The following PHACTR3 variants were observed in gnomAD, a reference collection of about 807,000 sequenced individuals.
PHACTR3 encodes protein phosphatase 1, regulatory subunit 123.
A neutral mutation model predicts 66.8 loss-of-function variants in PHACTR3; 16 were observed. The ratio of observed to expected loss-of-function variants is 0.24; its 90% CI spans 0.16 to 0.36. The LOEUF is 0.36. PHACTR3 is among the 10% of genes least tolerant of loss of function. The probability of loss-of-function intolerance (pLI) is 1.00; values close to 1 mark genes in which losing one functional copy is unlikely to be tolerated. For synonymous variants in PHACTR3, 323 were observed against 292.1 expected (o/e 1.11, Z -1.08); for missense variants, 647 against 719.9 (o/e 0.90, Z 1.16).
intron 11 of PHACTR3, among the ~76,000 whole-genome samples, chr20:59,842,951 A>G (rs547256559): frequency 3.0e-4 from 45 of 152,298 alleles, no homozygotes; most frequent in Middle Eastern, 3.4e-3. Context: ...CCCTCTTTAC[A>G]GACAATATGA....
rs573948260 is a variant in PHACTR3 at position 59,583,916 on chromosome 20, G to A, written c.109+6299G>A. Among the ~76,000 whole-genome samples, 8 of 152,342 alleles carry A rather than the reference G, an allele frequency of 5.3e-5. No individual in the cohort carries two copies. The South Asian group carries it at 1.4e-3, about 28-fold the overall frequency. ...GCTACTTAGGTGCACCAGTCACCAG[G>A]GACGGTTCACGCGTGGACATGTGGA... On this transcript the variant is annotated intron_variant, in intron 1 of 12. Coordinates refer to the PHACTR3 transcript ENST00000359926.
chr20:59,615,881 G>A (rs2034008225), intron 1 of PHACTR3, among the ~76,000 whole-genome samples: 1 of 152,226 alleles, frequency 6.6e-6, no homozygotes, highest in South Asian at 2.1e-4. Flanking sequence ...TACAGGAGAG[G>A]TGGAGAATTG....
intron 1 of PHACTR3, among the ~76,000 whole-genome samples, chr20:59,612,117 G>A (rs1600912898): frequency 6.6e-6 from 1 of 152,084 alleles, no homozygotes. Flanking sequence ...AATGTCACAG[G>A]AACAGAGGCA....
At chr20:59,822,681 G>C (rs1348960958) in intron 8 of PHACTR3, among the ~76,000 whole-genome samples, 1 of 152,220 alleles carries the variant, frequency 6.6e-6, no homozygotes, top group Non-Finnish European at 1.5e-5. Context: ...AGATGGATTT[G>C]GTTTCTCTCT....
At chr20:59,685,062 G>T (rs1433752027) in intron 1 of PHACTR3, among the ~76,000 whole-genome samples, 1 of 151,962 alleles carries the variant, frequency 6.6e-6, no homozygotes, top group East Asian at 1.9e-4. Flanking sequence ...TGGCTCCAGG[G>T]CCCCCTCTTT....
At position 59,829,212 on chromosome 20, in the gene PHACTR3, G is replaced by A. The variant is rs188908851; in HGVS notation, c.1329-7293G>A. The stretch of plus-strand genomic sequence containing the variant: ...GGCATCCCAGAAGTCAGGACTGCTG[G>A]CTGCTGAGATGGGGCTTGCCCCAGG... On this transcript the variant is annotated intron_variant, in intron 8 of 12. Coordinates refer to ENST00000371015, the MANE Select transcript of PHACTR3 (RefSeq NM_080672.5). The surrounding 1 kb of genome is among the most constrained non-coding windows in gnomAD (Gnocchi z 4.2). Among the ~76,000 whole-genome samples the A allele has an allele frequency of 1.4e-3, 211 of 152,276 alleles. 1 individual carries two copies. Among genetic ancestry groups the A allele is most frequent in the Non-Finnish European group, 7.6e-4 (52 of 68,012 alleles).
chr20:59,847,034 T>G, intron 12 of PHACTR3, 81 bp from the exon 13 acceptor site: 1 of 977,072 alleles, frequency 1.0e-6, no homozygotes, highest in Non-Finnish European at 1.6e-6. Context: ...TAGCAGCAAA[T>G]TTATTTGTAT....
chr20:59,762,360 G>A (rs568370562), intron 4 of PHACTR3, among the ~76,000 whole-genome samples: 1 of 152,358 alleles, frequency 6.6e-6, no homozygotes, highest in East Asian at 1.9e-4. Context: ...CATTGACTCA[G>A]TCCTGGGAAA....
intron 1 of PHACTR3, among the ~76,000 whole-genome samples, chr20:59,612,286 G>A (rs1041227261): frequency 3.3e-5 from 5 of 152,138 alleles, no homozygotes; most frequent in African/African-American, 9.7e-5. Flanking sequence ...GAGGGTCAGG[G>A]TGTGTGCCTG....
chr20:59,702,061 T>C (rs181169088), intron 1 of PHACTR3, among the ~76,000 whole-genome samples: 15 of 152,374 alleles, frequency 9.8e-5, no homozygotes, highest in African/African-American at 3.4e-4. Context: ...TATTGTTGCT[T>C]AATAGTCCAT....
intron 1 of PHACTR3, among the ~76,000 whole-genome samples, chr20:59,616,086 G>C (rs2034015074): frequency 6.6e-6 from 1 of 152,168 alleles, no homozygotes; most frequent in African/African-American, 2.4e-5. Flanking sequence ...TCACTGTGTG[G>C]CTTTGGAAGA....
intron 1 of PHACTR3, among the ~76,000 whole-genome samples, chr20:59,633,779 C>A (rs2034753273): frequency 6.6e-6 from 1 of 151,928 alleles, no homozygotes; most frequent in Non-Finnish European, 1.5e-5. Context: ...AATGAGTCAC[C>A]CATGCCCACA....
At chr20:59,816,391 G>A (rs1007938234) in intron 8 of PHACTR3, among the ~76,000 whole-genome samples, 24 of 152,180 alleles carry the variant, frequency 1.6e-4, no homozygotes, top group African/African-American at 5.3e-4. Flanking sequence ...GCACGCTGGG[G>A]ACTCTGGGTC....
At chr20:59,754,967 A>G (rs2039731436) in intron 3 of PHACTR3, among the ~76,000 whole-genome samples, 1 of 152,154 alleles carries the variant, frequency 6.6e-6, no homozygotes. Flanking sequence ...AGTGGAGTGT[A>G]AGAGCAGAAA....
At chr20:59,697,469 G>A (rs2037341115) in intron 1 of PHACTR3, among the ~76,000 whole-genome samples, 1 of 152,160 alleles carries the variant, frequency 6.6e-6, no homozygotes, top group Non-Finnish European at 1.5e-5. Context: ...GGATGACTGA[G>A]GGGGCTTTGG....
intron 1 of PHACTR3, among the ~76,000 whole-genome samples, chr20:59,695,500 C>A (rs1246555242): frequency 6.6e-6 from 1 of 152,174 alleles, no homozygotes; most frequent in Non-Finnish European, 1.5e-5. Flanking sequence ...GTCAACTAAA[C>A]CTTTTTTCTT....
At position 59,583,581 on chromosome 20, in the gene PHACTR3, C is replaced by G. The variant is rs569060537; in HGVS notation, c.109+5964C>G. 5.9e-5 allele frequency among the ~76,000 whole-genome samples: 9 copies of G among 152,364 alleles called. No individual in the cohort carries two copies. In the East Asian group the frequency reaches 1.5e-3, roughly 26 times the overall value. ...GCGTGCCCGCCTACGCAAGCAGCCT[C>G]GGACTGACTCCCAACAACCCCAGGG... On this transcript the variant is annotated intron_variant, in intron 1 of 12. Transcript: ENST00000359926.
intron 1 of PHACTR3, among the ~76,000 whole-genome samples, chr20:59,631,546 A>C (rs2034665277): frequency 6.6e-6 from 1 of 152,144 alleles, no homozygotes; most frequent in Admixed American, 6.6e-5. Context: ...AGGGGTGGGC[A>C]GGAGTTGCCA....
Position 59,702,587 on chromosome 20 carries a change from A to T in PHACTR3, c.119-40520A>T, listed in dbSNP as rs373830165. 4.6e-5 allele frequency among the ~76,000 whole-genome samples: 7 copies of T among 152,328 alleles called. No individual in the cohort carries two copies. The South Asian group carries it at 1.5e-3, about 32-fold the overall frequency. The stretch of plus-strand genomic sequence containing the variant: ...GGCCTTGCCTGTTTAGCTGGCCATC[A>T]TCTGTCCCCCACCTCTGGAATGTCA... On this transcript the variant is annotated intron_variant, in intron 1 of 12. Transcript: ENST00000371015.
Sources: gnomAD v4.1 joint callset for allele counts (sites outside exome capture counted in the v4.1 genomes callset) on GRCh38, gnomAD v4.1.1 for gene constraint, Gnocchi (gnomAD v3.1) non-coding constraint, MANE v1.5 for transcripts, NCBI Gene and HGNC (gene_info 2026-07-23, HGNC 2026-07-21) for gene names.